ADRA1B: variants seen among roughly 807,000 people sequenced by gnomAD.
ADRA1B encodes the protein alpha-1B adrenergic receptor.
A neutral mutation model predicts 17.9 loss-of-function variants in ADRA1B; 17 were observed. The observed-to-expected ratio is 0.95, with a 90% CI of 0.65 to 1.42. The LOEUF (loss-of-function observed/expected upper bound fraction) is 1.42, where lower values mean the gene tolerates loss of function less well. ADRA1B is among the 40% of genes most tolerant of loss of function. The pLI is 0.00. For synonymous variants in ADRA1B, 366 were observed against 327.6 expected (o/e 1.12, Z -1.27); for missense variants, 681 against 722.1 (o/e 0.94, Z 0.65).
intron 1 of ADRA1B, 55 bp downstream of exon 1, chr5:159,917,909 T>A: frequency 1.4e-6 from 2 of 1,446,718 alleles, no homozygotes; most frequent in South Asian, 1.3e-5. Flanking sequence ...TTGGGTTTAC[T>A]GATGAGCTTA....
intron 1 of ADRA1B, chr5:159,955,335 C>A: frequency 3.9e-6 from 1 of 254,096 alleles, no homozygotes; most frequent in Non-Finnish European, 6.2e-6. Flanking sequence ...CAGACATAAC[C>A]TTAACCTGTC....
At chr5:159,918,634 G>A (rs1006358228) in intron 1 of ADRA1B, among the ~76,000 whole-genome samples, 1 of 152,210 alleles carries the variant, frequency 6.6e-6, no homozygotes, top group Non-Finnish European at 1.5e-5. Context: ...CTGGTAAGAT[G>A]GAATTCAGTG....
At chr5:159,959,587 C>T (rs942203556) in intron 1 of ADRA1B, among the ~76,000 whole-genome samples, 1 of 152,164 alleles carries the variant, frequency 6.6e-6, no homozygotes, top group Non-Finnish European at 1.5e-5. Flanking sequence ...TCCTGGACAT[C>T]CGTGGATGAG....
At chr5:159,906,194 C>T (rs1214724074) in intron 1 of ADRA1B, among the ~76,000 whole-genome samples, 1 of 152,126 alleles carries the variant, frequency 6.6e-6, no homozygotes, top group African/African-American at 2.4e-5. Context: ...GCAAGACTGG[C>T]CAGACTGGCA....
Position 159,971,916 on chromosome 5 carries a change from GTTCAA to G in ADRA1B, c.988_992del (p.Phe330GlyfsTer129). 7.2e-7 allele frequency: 1 copy of G among 1,381,038 alleles called. No homozygotes were observed. The highest frequency in any genetic ancestry group is 9.4e-7 in the Non-Finnish European group (1 of 1,061,240). The allele number at this position is 1,381,038 out of a possible 1,614,324, so 85.5% of individuals were successfully genotyped here. A position where few individuals can be genotyped will look rare whatever the true frequency, so the allele number is the denominator to read the frequency against. On this transcript the variant is annotated frameshift_variant, in exon 2 of 2. Coordinates refer to ENST00000306675, the MANE Select transcript of ADRA1B (RefSeq NM_000679.4). LOFTEE classifies it low-confidence loss of function (END_TRUNC). ...CCACCCTGAAGCCCCCCGACGCCGT[GTTCAA>G]GGTGGTGTTCTGGCTGGGCTACTTC...
chr5:159,955,235 G>A lies in ADRA1B; in HGVS notation c.950-16644G>A, dbSNP rs986960563. On this transcript the variant is annotated intron_variant, in intron 1 of 1. Coordinates refer to ENST00000306675, the MANE Select transcript of ADRA1B (RefSeq NM_000679.4). ...CTGAGGGCTGCGGGTGTCAAGGAAGGTATGAGTCCCATATGTGGCCTCCTC... is the reference window on the plus strand; with the variant it reads ...CTGAGGGCTGCGGGTGTCAAGGAAGATATGAGTCCCATATGTGGCCTCCTC... 6.1e-6 allele frequency: 6 copies of A among 980,004 alleles called. No individual in the cohort carries two copies. The Admixed American group carries it at 2.5e-4, about 40-fold the overall frequency. The allele number at this position is 980,004 out of a possible 1,614,324, so 60.7% of individuals were successfully genotyped here.
chr5:159,923,876 C>T (rs1368908497), intron 1 of ADRA1B, among the ~76,000 whole-genome samples: 1 of 152,254 alleles, frequency 6.6e-6, no homozygotes, highest in African/African-American at 2.4e-5. Flanking sequence ...AAGTCCTCCC[C>T]ATGCCTAGAA....
chr5:159,896,858 T>A (rs538467243), intron 1 of ADRA1B, among the ~76,000 whole-genome samples: 1 of 152,324 alleles, frequency 6.6e-6, no homozygotes, highest in South Asian at 2.1e-4. Flanking sequence ...TATTATTTAA[T>A]GAATTCCCAT....
At chr5:159,916,374 C>G (rs1754303475), upstream of ADRA1B, 1 of 143,840 alleles carries the variant, frequency 7.0e-6, no homozygotes, top group African/African-American at 2.5e-5. Context: ...TCCCGGCTTG[C>G]GGGGTGGCGG....
At chr5:159,957,762 C>G (rs1047732935) in intron 1 of ADRA1B, among the ~76,000 whole-genome samples, 1 of 150,980 alleles carries the variant, frequency 6.6e-6, no homozygotes, top group Non-Finnish European at 1.5e-5. Flanking sequence ...ATGATGAAAC[C>G]TCGTCTCTAC....
chr5:159,892,448 C>T (rs1753992939), intron 1 of ADRA1B, among the ~76,000 whole-genome samples: 1 of 152,210 alleles, frequency 6.6e-6, no homozygotes, highest in Non-Finnish European at 1.5e-5. Flanking sequence ...TTAAGCCCAG[C>T]ATCCACTAGC....
Position 159,916,771 on chromosome 5 carries a change from A to G in ADRA1B, c.-135A>G. Reference sequence around the variant, plus strand: ...GCTGCCGGGCTGGGCTGCCCGGGGGAGATGACTCCTCGCCAGGAGGGCGCC... The same window carrying G: ...GCTGCCGGGCTGGGCTGCCCGGGGGGGATGACTCCTCGCCAGGAGGGCGCC... On this transcript the variant is annotated 5_prime_UTR_variant, in exon 1 of 2. Coordinates refer to ENST00000306675, the MANE Select transcript of ADRA1B (RefSeq NM_000679.4). 2 of 808,634 alleles carry G rather than the reference A, an allele frequency of 2.5e-6. No individual in the cohort carries two copies. 50.1% of individuals were successfully genotyped at this position (808,634 alleles called of 1,614,324 possible). A position where few individuals can be genotyped will look rare whatever the true frequency, so the allele number is the denominator to read the frequency against.
At chr5:159,962,816 TG>T (rs1386556801) in intron 1 of ADRA1B, among the ~76,000 whole-genome samples, 7 of 139,144 alleles carry the variant, frequency 5.0e-5, no homozygotes, top group Middle Eastern at 3.4e-3. Context: ...TCCACAGGTG[TG>T]GGGGCCACCA....
At chr5:159,909,852 GC>G (rs1754210048) in intron 1 of ADRA1B, among the ~76,000 whole-genome samples, 2 of 152,278 alleles carry the variant, frequency 1.3e-5, no homozygotes, top group Admixed American at 1.3e-4. Flanking sequence ...TGATCAAGGG[GC>G]CCTGCCAAGG....
At chr5:159,885,152 G>A (rs1753910182) in intron 1 of ADRA1B, among the ~76,000 whole-genome samples, 1 of 152,188 alleles carries the variant, frequency 6.6e-6, no homozygotes, top group Admixed American at 6.5e-5. Flanking sequence ...TATCAGAACA[G>A]GAAAGAGACT....
intron 1 of ADRA1B, among the ~76,000 whole-genome samples, chr5:159,952,717 A>G (rs1755468746): frequency 6.6e-6 from 1 of 152,174 alleles, no homozygotes; most frequent in Admixed American, 6.5e-5. Flanking sequence ...TGCCACCTAT[A>G]AGCTCTCTGT....
At chr5:159,976,417 G>A (rs1755974962), downstream of ADRA1B, among the ~76,000 whole-genome samples, 1 of 152,112 alleles carries the variant, frequency 6.6e-6, no homozygotes, top group African/African-American at 2.4e-5. Flanking sequence ...CACTTCGGGA[G>A]GCTGGGTGGA....
chr5:159,944,159 T>C (rs1446889989), intron 1 of ADRA1B, among the ~76,000 whole-genome samples: 2 of 152,182 alleles, frequency 1.3e-5, no homozygotes, highest in Non-Finnish European at 2.9e-5. Flanking sequence ...AGAGTTTTTT[T>C]TGTTTTTTAA....
chr5:159,971,256 A>G (rs1243275580), intron 1 of ADRA1B, among the ~76,000 whole-genome samples: 1 of 152,204 alleles, frequency 6.6e-6, no homozygotes, highest in Non-Finnish European at 1.5e-5. Flanking sequence ...AGAGTTCCTC[A>G]CATATTCTAA....
Sources: gnomAD v4.1 joint callset for allele counts (sites outside exome capture counted in the v4.1 genomes callset) on GRCh38, gnomAD v4.1.1 for gene constraint, MANE v1.5 for transcripts, NCBI Gene and HGNC (gene_info 2026-07-23, HGNC 2026-07-21) for gene names.